The following DICER1 variants were observed in gnomAD, a reference collection of about 807,000 sequenced individuals.
DICER1 encodes endoribonuclease Dicer.
DICER1 carries 43 observed loss-of-function variants against 194.1 expected under a neutral mutation model. The ratio of observed to expected loss-of-function variants is 0.22; its 90% CI spans 0.17 to 0.29. The LOEUF (loss-of-function observed/expected upper bound fraction) is 0.29. Among genes scored for constraint, DICER1 ranks in the 10% least tolerant of loss-of-function variants. The probability of loss-of-function intolerance (pLI) is 1.00; values close to 1 mark genes in which losing one functional copy is unlikely to be tolerated. For missense variants in DICER1, 1,608 were observed against 2,317.0 expected, an observed-to-expected ratio of 0.69 and a Z score of 6.28; for synonymous variants, 832 against 820.5, an observed-to-expected ratio of 1.01 and a Z score of -0.24.
At position 95,103,806 on chromosome 14, in the gene DICER1, C is replaced by T. The variant is rs2139964601; in HGVS notation, c.3590G>A (p.Cys1197Tyr). 6.2e-7 allele frequency: 1 copy of T among 1,614,146 alleles called. No individual in the cohort carries two copies. Among genetic ancestry groups the T allele is most frequent in the African/African-American group, 1.3e-5 (1 of 75,028 alleles). ...GSYDLANRDF[C>Y]QGNQLNYYKQ... ...GTAGTAATTTAGCTGATTTCCTTGGCAAAAGTCTCTGTTAGCTAAATCATA... is the reference window on the plus strand; with the variant it reads ...GTAGTAATTTAGCTGATTTCCTTGGTAAAAGTCTCTGTTAGCTAAATCATA... Residue 1197 changes from cysteine to tyrosine, a missense_variant, in exon 21 of 27, where the codon TGC (cysteine) becomes TAC (tyrosine). Physicochemically the swap from Cys to Tyr is radical, Grantham distance 194. Transcript: ENST00000343455.
intron 25 of DICER1, 33 bp from the exon 26 acceptor site, chr14:95,091,142 T>C (rs1306800919): frequency 1.2e-6 from 2 of 1,613,508 alleles, no homozygotes; most frequent in South Asian, 1.1e-5. Flanking sequence ...ATATGAATAA[T>C]ATCTCTGAAG....
rs573281562 is a variant in DICER1 at position 95,139,388 on chromosome 14, G to A, written c.-45-5885C>T. 6.6e-5 allele frequency among the ~76,000 whole-genome samples: 10 copies of A among 152,290 alleles called. 1 individual carries two copies. In the South Asian group the frequency reaches 2.1e-3, roughly 32 times the overall value. On this transcript the variant is annotated intron_variant, in intron 1 of 26. Transcript: ENST00000343455. ...TGTACAGAACCACATCCAGGACATG[G>A]TAAACAAAAACTGCAGGTTGTTAGA...
intron 22 of DICER1, among the ~76,000 whole-genome samples, chr14:95,099,110 C>A (rs577266129): frequency 6.6e-6 from 1 of 152,288 alleles, no homozygotes; most frequent in Admixed American, 6.5e-5. Flanking sequence ...CCTTTAACTT[C>A]GGAAGAGGCA....
rs1179743698 is a variant in DICER1 at position 95,087,141 on chromosome 14, G to A, written c.*3357C>T. ...GCCCACCTGCCTCCAGGGAGCGACT[G>A]AAGAAGCCGACTGCCGGGGGAACAC... is the stretch of plus-strand genomic sequence containing the variant. On this transcript the variant is annotated 3_prime_UTR_variant, in exon 27 of 27. Coordinates refer to ENST00000343455, the MANE Select transcript of DICER1 (RefSeq NM_177438.3). 1 of 233,168 alleles carries A rather than the reference G, an allele frequency of 4.3e-6. No individual in the cohort carries two copies. Among genetic ancestry groups the A allele is most frequent in the Non-Finnish European group, 8.5e-6 (1 of 117,778 alleles). The allele number at this position is 233,168 out of a possible 1,614,324, so 14.4% of individuals were successfully genotyped here.
intron 7 of DICER1, among the ~76,000 whole-genome samples, chr14:95,126,004 G>A (rs932474842): frequency 6.6e-6 from 1 of 152,060 alleles, no homozygotes; most frequent in African/African-American, 2.4e-5. Flanking sequence ...TTCACAAATG[G>A]TTGCAAAGTT....
At chr14:95,130,835 G>A (rs909483566) in intron 4 of DICER1, among the ~76,000 whole-genome samples, 3 of 152,168 alleles carry the variant, frequency 2.0e-5, no homozygotes, top group Admixed American at 6.5e-5. Flanking sequence ...GGAAGTCTCC[G>A]TCAAAGACCT....
At chr14:95,094,824 T>C (rs1437292454) in intron 23 of DICER1, among the ~76,000 whole-genome samples, 1 of 152,170 alleles carries the variant, frequency 6.6e-6, no homozygotes, top group Non-Finnish European at 1.5e-5. Context: ...ACACCTCTAT[T>C]TTCTCACAGT....
At chr14:95,144,099 AGCAAATTGAT>A (rs1282155833) in intron 1 of DICER1, among the ~76,000 whole-genome samples, 1 of 152,190 alleles carries the variant, frequency 6.6e-6, no homozygotes, top group African/African-American at 2.4e-5. Flanking sequence ...TAACTTAATA[AGCAAATTGAT>A]GCTCTTGCCT....
In DICER1 at chr14:95,090,330, T is replaced by C. The variant is rs1889677950; in HGVS notation, c.*168A>G. On this transcript the variant is annotated 3_prime_UTR_variant, in exon 27 of 27. Coordinates refer to ENST00000343455, the MANE Select transcript of DICER1 (RefSeq NM_177438.3). ...ACAATTAGTTCCAAAATTTTATACA[T>C]ATGTTAAATGTTTTATTCTGTTATC... 2 of 729,096 alleles carry C rather than the reference T, an allele frequency of 2.7e-6. No individual in the cohort carries two copies. The highest frequency in any genetic ancestry group is 2.8e-5 in the Admixed American group (1 of 35,948). The allele number at this position is 729,096 out of a possible 1,614,324, so 45.2% of individuals were successfully genotyped here. A position where few individuals can be genotyped will look rare whatever the true frequency, so the allele number is the denominator to read the frequency against.
In DICER1 at chr14:95,096,387, A is replaced by G. The variant is rs1131691206; in HGVS notation, c.4533T>C (p.Tyr1511=). ...FDYSSWDAMC[Y]LDPSKAVEED... is the part of the protein sequence containing the mutation. ...CTTCAACAGCTTTGCTAGGATCCAG[A>G]TAGCACATTGCATCCCAAGAGCTGT... Residue 1511 remains tyrosine, a synonymous_variant, in exon 23 of 27, where the codon TAT becomes TAC. Coordinates refer to ENST00000343455, the MANE Select transcript of DICER1 (RefSeq NM_177438.3). 1 of 1,614,236 alleles carries G rather than the reference A, an allele frequency of 6.2e-7. No homozygotes were observed. The highest frequency in any genetic ancestry group is 8.5e-7 in the Non-Finnish European group (1 of 1,180,038).
Position 95,105,375 on chromosome 14 carries a change from T to C in DICER1, c.3094-129A>G. ...GTAAAACTTAATTTTAAAAAATATT[T>C]GTAAAAATAATCCTCTAAGGCCAAA... On this transcript the variant is annotated intron_variant, in intron 19 of 26. Coordinates refer to ENST00000343455, the MANE Select transcript of DICER1 (RefSeq NM_177438.3). This position sits in a 1 kb window ranked among gnomAD's most constrained non-coding sequence, Gnocchi z 4.9. 1.1e-6 allele frequency: 1 copy of C among 928,720 alleles called. No homozygotes were observed. Among genetic ancestry groups the C allele is most frequent in the Non-Finnish European group, 1.7e-6 (1 of 598,714 alleles). The allele number at this position is 928,720 out of a possible 1,614,324, so 57.5% of individuals were successfully genotyped here.
Position 95,086,409 on chromosome 14 carries a change from G to A in DICER1, c.*4089C>T, listed in dbSNP as rs1889339241. 1 of 233,094 alleles carries A rather than the reference G, an allele frequency of 4.3e-6. No individual in the cohort carries two copies. The highest frequency in any genetic ancestry group is 8.5e-6 in the Non-Finnish European group (1 of 117,876). The allele number at this position is 233,094 out of a possible 1,614,324, so 14.4% of individuals were successfully genotyped here. On this transcript the variant is annotated 3_prime_UTR_variant, in exon 27 of 27. Coordinates refer to ENST00000343455, the MANE Select transcript of DICER1 (RefSeq NM_177438.3). ...AGCATGTGATGGTAAATATTTTATT[G>A]TCAATCAAATAATATGCATTAGTTT...
rs143985382 is a variant in DICER1 at position 95,096,639 on chromosome 14, C to T, written c.4281G>A (p.Leu1427=). ...YEEEDEEEES[L]MWRAPKEEAD... The stretch of plus-strand genomic sequence containing the variant: ...CCTCTTCCTTCGGAGCCCTCCACAT[C>T]AGGCTCTCCTCCTCCTCATCCTCCT... The change falls in exon 23 of 27, where the codon CTG becomes CTA. Residue 1427 remains leucine, a synonymous_variant. Transcript: ENST00000343455. 1.2e-6 allele frequency: 2 copies of T among 1,612,108 alleles called. No individual in the cohort carries two copies. The highest frequency in any genetic ancestry group is 1.3e-5 in the African/African-American group (1 of 74,832).
At position 95,153,699 on chromosome 14, in the gene DICER1, T is replaced by C. The variant is rs199798491; in HGVS notation, c.-46+3531A>G. On this transcript the variant is annotated intron_variant, in intron 1 of 26. Coordinates refer to ENST00000343455, the MANE Select transcript of DICER1 (RefSeq NM_177438.3). ...CTCCACATTCTATACTACCAACCTT[T>C]ACCATTTTCATAGTACTCTAATACT... 5.3e-5 allele frequency among the ~76,000 whole-genome samples: 8 copies of C among 152,336 alleles called. No homozygotes were observed. The East Asian group carries it at 1.4e-3, about 26-fold the overall frequency.
At chr14:95,112,369 T>G in intron 12 of DICER1, 122 bp from the exon 13 acceptor site, 2 of 812,510 alleles carry the variant, frequency 2.5e-6, no homozygotes, top group South Asian at 3.3e-5. Flanking sequence ...AACAAAATTC[T>G]TTATTTTGAA....
At chr14:95,138,972 A>AT (rs1229788403) in intron 1 of DICER1, among the ~76,000 whole-genome samples, 2 of 54,868 alleles carry the variant, frequency 3.6e-5, no homozygotes, top group Admixed American at 1.9e-4. Context: ...TATAATAAAA[A>AT]AAATAAAAAT....
intron 1 of DICER1, among the ~76,000 whole-genome samples, chr14:95,155,047 C>G (rs1895754285): frequency 6.6e-6 from 1 of 152,190 alleles, no homozygotes; most frequent in Non-Finnish European, 1.5e-5. Flanking sequence ...TCCAAAGATT[C>G]TGAAACCAAA....
chr14:95,087,512 T>C lies in DICER1; in HGVS notation c.*2986A>G. Reference sequence around the variant, plus strand: ...AATTATCTTTTTCAAATTCCATAAATCAAAACAGCAGCAAGGCCAAACCAC... The same window carrying C: ...AATTATCTTTTTCAAATTCCATAAACCAAAACAGCAGCAAGGCCAAACCAC... On this transcript the variant is annotated 3_prime_UTR_variant, in exon 27 of 27. Transcript: ENST00000343455. 4.3e-6 allele frequency: 1 copy of C among 233,046 alleles called. No individual in the cohort carries two copies. Among genetic ancestry groups the C allele is most frequent in the East Asian group, 6.1e-5 (1 of 16,522 alleles). 14.4% of individuals were successfully genotyped at this position (233,046 alleles called of 1,614,324 possible).
intron 7 of DICER1, among the ~76,000 whole-genome samples, chr14:95,125,808 GAA>G (rs140292065): frequency 0.023 from 3,081 of 136,358 alleles, 193 homozygotes; most frequent in African/African-American, 0.085. Context: ...GGAGAGGAGA[GAA>G]AGAGAGAGAG....
Sources: allele counts gnomAD v4.1 joint callset (sites outside exome capture counted in the v4.1 genomes callset), GRCh38; gene constraint gnomAD v4.1.1; non-coding constraint Gnocchi (gnomAD v3.1); transcripts MANE v1.5; gene names NCBI Gene and HGNC (gene_info 2026-07-23, HGNC 2026-07-21).